Variants in SHLD1 observed in about 807,000 individuals in gnomAD.
SHLD1 encodes shieldin complex subunit 1, also known as RINN1-REV7-interacting novel NHEJ regulator 3.
A neutral mutation model predicts 5.5 loss-of-function variants in SHLD1; 3 were observed. That is an observed-to-expected ratio of 0.54 (90% CI 0.25 to 1.40). SHLD1 has a LOEUF of 1.40. SHLD1 is among the 40% of genes most tolerant of loss of function. The probability of loss-of-function intolerance (pLI) is 0.15; values close to 1 mark genes in which losing one functional copy is unlikely to be tolerated. For missense variants in SHLD1, 210 were observed against 244.4 expected, an observed-to-expected ratio of 0.86 and a Z score of 0.94; for synonymous variants, 92 against 94.3, an observed-to-expected ratio of 0.98 and a Z score of 0.14.
At chr20:5,824,016 C>T (rs2087637951) in intron 2 of SHLD1, among the ~76,000 whole-genome samples, 1 of 152,206 alleles carries the variant, frequency 6.6e-6, no homozygotes, top group African/African-American at 2.4e-5. Flanking sequence ...GCAGCAGCAC[C>T]AGAATGTCAC....
chr20:5,799,324 A>G (rs992985664), intron 2 of SHLD1, among the ~76,000 whole-genome samples: 1 of 149,890 alleles, frequency 6.7e-6, no homozygotes, highest in Non-Finnish European at 1.5e-5. Flanking sequence ...TTTTTGAGCC[A>G]GGGTCTCACT....
intron 1 of SHLD1, among the ~76,000 whole-genome samples, chr20:5,768,065 C>T (rs140991252): frequency 1.4e-5 from 2 of 147,958 alleles, no homozygotes; most frequent in East Asian, 4.0e-4. Flanking sequence ...ACCTCTGCCT[C>T]CCGGGTTCAA....
At chr20:5,854,606 G>A (rs570257416) in intron 2 of SHLD1, among the ~76,000 whole-genome samples, 243 of 152,314 alleles carry the variant, frequency 1.6e-3, no homozygotes, top group Non-Finnish European at 2.4e-3. Context: ...AGGCAGGGAA[G>A]GGAGATAGCG....
chr20:5,841,972 C>T (rs528386884), intron 2 of SHLD1, among the ~76,000 whole-genome samples: 37 of 152,180 alleles, frequency 2.4e-4, no homozygotes, highest in Admixed American at 9.8e-4. Flanking sequence ...AGAAAGAGAA[C>T]ATTGTCTACA....
chr20:5,789,419 A>T (rs1481269743), intron 2 of SHLD1, among the ~76,000 whole-genome samples: 1 of 151,366 alleles, frequency 6.6e-6, no homozygotes, highest in Non-Finnish European at 1.5e-5. Context: ...TCTACTAAAG[A>T]TACAAAAATT....
chr20:5,784,157 AAAAAAAG>A (rs2087024960), intron 2 of SHLD1, among the ~76,000 whole-genome samples: 1 of 151,046 alleles, frequency 6.6e-6, no homozygotes. Flanking sequence ...CTTAAAAAAA[AAAAAAAG>A]AAAAAAGAAA....
chr20:5,781,795 T>C (rs2086992889), intron 2 of SHLD1, among the ~76,000 whole-genome samples: 1 of 152,314 alleles, frequency 6.6e-6, no homozygotes, highest in Non-Finnish European at 1.5e-5. Flanking sequence ...ACACTACTTC[T>C]TTCCTTCCAG....
intron 1 of SHLD1, among the ~76,000 whole-genome samples, chr20:5,769,967 G>A (rs1420011110): frequency 5.8e-5 from 8 of 138,782 alleles, no homozygotes; most frequent in Admixed American, 5.7e-4. Flanking sequence ...TTGTGCCATT[G>A]CACTCCAGCC....
chr20:5,777,818 TG>T (rs1985501203), intron 2 of SHLD1, among the ~76,000 whole-genome samples: 1 of 152,124 alleles, frequency 6.6e-6, no homozygotes. Flanking sequence ...GACAAGGAAC[TG>T]CTGCAAATAA....
chr20:5,765,718 T>C (rs117086436), intron 1 of SHLD1, among the ~76,000 whole-genome samples: 2,639 of 151,376 alleles, frequency 0.017, 23 homozygotes, highest in Non-Finnish European at 0.028. Context: ...GGTTTTTTAC[T>C]TCCGTACAAA....
At chr20:5,783,349 G>A (rs1214781362) in intron 2 of SHLD1, among the ~76,000 whole-genome samples, 1 of 151,970 alleles carries the variant, frequency 6.6e-6, no homozygotes, top group African/African-American at 2.4e-5. Context: ...TCAGCCTCCC[G>A]AGTAGCTGGC....
intron 2 of SHLD1, among the ~76,000 whole-genome samples, chr20:5,803,904 AAC>A (rs2087336255): frequency 6.7e-6 from 1 of 150,334 alleles, no homozygotes; most frequent in African/African-American, 2.4e-5. Context: ...AAAAAAACAA[AAC>A]AAGAATGACG....
chr20:5,772,966 C>A lies in SHLD1; in HGVS notation c.101C>A (p.Pro34His), dbSNP rs1163764576. The A allele has an allele frequency of 6.2e-7, 1 of 1,614,096 alleles. No homozygotes were observed. Among genetic ancestry groups the A allele is most frequent in the African/African-American group, 1.3e-5 (1 of 75,020 alleles). Residue 34 changes from proline to histidine, a missense_variant, in exon 2 of 3, where the codon CCC becomes CAC. By Grantham distance (77) the Pro-to-His change is moderately conservative. Coordinates refer to ENST00000303142, the MANE Select transcript of SHLD1 (RefSeq NM_152504.4). ...ATAAGAGATTACGTCCTGCAGGGAC[C>A]CAGCCAAGAAGCCAACAGCGAGGCT... ...CDIRDYVLQG[P>H]SQEANSEAFS... is the part of the protein sequence containing the mutation.
chr20:5,819,989 A>G (rs2087587215), intron 2 of SHLD1, among the ~76,000 whole-genome samples: 1 of 151,954 alleles, frequency 6.6e-6, no homozygotes, highest in Admixed American at 6.6e-5. Context: ...TGTCGCCCAG[A>G]CAGGCTGGAG....
At chr20:5,811,658 C>T (rs1362364984) in intron 2 of SHLD1, among the ~76,000 whole-genome samples, 1 of 151,912 alleles carries the variant, frequency 6.6e-6, no homozygotes, top group Non-Finnish European at 1.5e-5. Context: ...AGTTCAAGAC[C>T]AGCCTGGGGA....
chr20:5,817,713 T>TGTGCCTGGCTGTGC (rs11474768), intron 2 of SHLD1, among the ~76,000 whole-genome samples: 1 of 151,714 alleles, frequency 6.6e-6, no homozygotes, highest in Non-Finnish European at 1.5e-5. Flanking sequence ...TGCCTGGCAT[T>TGTGCCTGGCTGTGC]ATGACTTAGT....
intron 2 of SHLD1, among the ~76,000 whole-genome samples, chr20:5,778,313 G>C (rs1377736782): frequency 6.9e-6 from 1 of 145,744 alleles, no homozygotes; most frequent in African/African-American, 2.5e-5. Context: ...ATTTTTAGTA[G>C]AGATGAGGTT....
intron 1 of SHLD1, among the ~76,000 whole-genome samples, chr20:5,768,744 C>T (rs548520032): frequency 6.6e-6 from 1 of 152,228 alleles, no homozygotes; most frequent in South Asian, 2.1e-4. Context: ...TAATCTGGAT[C>T]AAACCCTACT....
chr20:5,813,945 C>CTTTTTTTT lies in SHLD1; in HGVS notation c.178+40920_178+40927dup, dbSNP rs143110037. ...CTCAAACACCTTTTTCCTTTTCTTTCTTTTTTTTTTTTTTTTTTTTTTTTT... is the reference window on the plus strand; with the variant it reads ...CTCAAACACCTTTTTCCTTTTCTTTCTTTTTTTTTTTTTTTTTTTTTTTTTTTTTTTTT... On this transcript the variant is annotated intron_variant, in intron 2 of 2. Coordinates refer to ENST00000303142, the MANE Select transcript of SHLD1 (RefSeq NM_152504.4). Among the ~76,000 whole-genome samples, 83 of 79,978 alleles carry CTTTTTTTT rather than the reference C, an allele frequency of 1.0e-3. 1 individual carries two copies. The highest frequency in any genetic ancestry group is 1.2e-3 in the Non-Finnish European group (50 of 43,258). 52.5% of individuals were successfully genotyped at this position (79,978 alleles called of 152,430 possible).
Sources: allele counts gnomAD v4.1 joint callset (sites outside exome capture counted in the v4.1 genomes callset), GRCh38; gene constraint gnomAD v4.1.1; transcripts MANE v1.5; gene names NCBI Gene and HGNC (gene_info 2026-07-23, HGNC 2026-07-21).